The following NAV3 variants were observed in gnomAD, a reference collection of about 807,000 sequenced individuals.
The protein encoded by NAV3 is pore membrane and/or filament interacting like protein 1.
NAV3 carries 87 observed loss-of-function variants against 244.7 expected under a neutral mutation model. The observed-to-expected ratio is 0.36, with a 90% confidence interval of 0.30 to 0.42. The LOEUF (loss-of-function observed/expected upper bound fraction) is 0.42, where lower values mean the gene tolerates loss of function less well. Ranked by LOEUF, NAV3 falls within the 20% of genes least tolerant of loss-of-function variation. NAV3 has a pLI of 1.00. For missense variants in NAV3, 2,663 were observed against 2,893.3 expected, an observed-to-expected ratio of 0.92 and a Z score of 1.83; for synonymous variants, 1,126 against 1,042.2, an observed-to-expected ratio of 1.08 and a Z score of -1.55.
chr12:77,908,465 A>G (rs1224616570), intron 1 of NAV3, among the ~76,000 whole-genome samples: 2 of 152,066 alleles, frequency 1.3e-5, no homozygotes, highest in East Asian at 1.9e-4. Context: ...TGTGCTTTCT[A>G]GAAGGAGAAA....
At chr12:78,102,146 C>A (rs950694302) in intron 12 of NAV3, among the ~76,000 whole-genome samples, 1 of 152,054 alleles carries the variant, frequency 6.6e-6, no homozygotes, top group African/African-American at 2.4e-5. Context: ...AAGGAAAGTC[C>A]CTTCCACTAT....
intron 20 of NAV3, chr12:78,143,281 C>A (rs762906237): frequency 4.5e-6 from 2 of 441,896 alleles, no homozygotes; most frequent in African/African-American, 2.1e-5. Context: ...AAATCACAAG[C>A]CTAACCTGAT....
At chr12:77,803,983 C>G (rs1871843588) in intron 2 of NAV3, among the ~76,000 whole-genome samples, 1 of 148,966 alleles carries the variant, frequency 6.7e-6, no homozygotes, top group Admixed American at 6.7e-5. Context: ...TTGTTTTTTT[C>G]TTTCTTGTAA....
chr12:77,578,077 A>C (rs1475945336), intron 2 of NAV3, among the ~76,000 whole-genome samples: 1 of 152,216 alleles, frequency 6.6e-6, no homozygotes, highest in Non-Finnish European at 1.5e-5. Flanking sequence ...ATTTAAAGAT[A>C]TGTTACAAAA....
chr12:78,180,343 T>C (rs770029362), intron 29 of NAV3, among the ~76,000 whole-genome samples: 7 of 152,124 alleles, frequency 4.6e-5, no homozygotes, highest in East Asian at 1.9e-4. Flanking sequence ...CTAAAGACTT[T>C]TGTTGTTTTT....
At chr12:77,612,041 G>A (rs696069) in intron 2 of NAV3, among the ~76,000 whole-genome samples, 30,724 of 151,836 alleles carry the variant, frequency 0.2, 4,212 homozygotes, top group African/African-American at 0.39. Context: ...GTCTAGTTTC[G>A]TTGCTTAATG....
At chr12:78,087,568 AT>A (rs1953702908) in intron 12 of NAV3, among the ~76,000 whole-genome samples, 1 of 152,070 alleles carries the variant, frequency 6.6e-6, no homozygotes, top group Admixed American at 6.6e-5. Context: ...ACTTAAAAAA[AT>A]ATGACAGCAA....
At chr12:77,672,911 A>T (rs141051339) in intron 2 of NAV3, among the ~76,000 whole-genome samples, 18 of 152,330 alleles carry the variant, frequency 1.2e-4, no homozygotes, top group Non-Finnish European at 2.5e-4. Flanking sequence ...GAAGGATAGT[A>T]AGAGATGAGG....
At chr12:77,920,230 G>A (rs1235864644) in intron 1 of NAV3, among the ~76,000 whole-genome samples, 3 of 151,934 alleles carry the variant, frequency 2.0e-5, no homozygotes, top group East Asian at 1.9e-4. Context: ...ACATTAGTGT[G>A]TTCTAAACCC....
At position 78,030,549 on chromosome 12, in the gene NAV3, T is replaced by C. The variant is rs112557526; in HGVS notation, c.2023+8687T>C. On this transcript the variant is annotated intron_variant, in intron 9 of 39. Transcript: ENST00000397909. ...TCCCTTTTCTGTGTGGTGAATATGA[T>C]GATACTTAATAAACTCAGAAGATTG... Among the ~76,000 whole-genome samples, 1,379 of 152,342 alleles carry C rather than the reference T, an allele frequency of 9.1e-3. 12 individuals are homozygous for C. Among genetic ancestry groups the C allele is most frequent in the Non-Finnish European group, 0.015 (1,019 of 68,020 alleles).
At chr12:78,206,555 C>A (rs1056268166) in intron 39 of NAV3, among the ~76,000 whole-genome samples, 1 of 152,118 alleles carries the variant, frequency 6.6e-6, no homozygotes, top group Admixed American at 6.6e-5. Context: ...ATGCCCACAA[C>A]TTTCCCAATT....
chr12:77,596,711 A>G (rs747460459), intron 2 of NAV3, among the ~76,000 whole-genome samples: 20 of 152,172 alleles, frequency 1.3e-4, no homozygotes, highest in Non-Finnish European at 1.9e-4. Flanking sequence ...AATTAAATGA[A>G]AGAAGTTTCT....
chr12:78,183,920 C>T (rs886140915), intron 30 of NAV3, among the ~76,000 whole-genome samples: 4 of 151,914 alleles, frequency 2.6e-5, no homozygotes, highest in East Asian at 1.9e-4. Context: ...TTAACATACC[C>T]AGCTTACACA....
chr12:77,694,224 TG>T (rs1381231360), intron 2 of NAV3, among the ~76,000 whole-genome samples: 1 of 151,792 alleles, frequency 6.6e-6, no homozygotes, highest in East Asian at 1.9e-4. Context: ...CCCAGCACTT[TG>T]GGAGGCCGAG....
intron 12 of NAV3, among the ~76,000 whole-genome samples, chr12:78,073,274 A>G (rs1435350581): frequency 4.5e-5 from 6 of 134,600 alleles, no homozygotes; most frequent in African/African-American, 8.3e-5. Flanking sequence ...ACATGATTGT[A>G]TATCTAGAAA....
chr12:78,079,514 A>G (rs1953239291), intron 12 of NAV3, among the ~76,000 whole-genome samples: 2 of 152,174 alleles, frequency 1.3e-5, no homozygotes, highest in Admixed American at 6.5e-5. Flanking sequence ...TCCCAAACCT[A>G]CTTTAAAAGG....
At chr12:78,145,879 A>G (rs1244673115) in intron 20 of NAV3, among the ~76,000 whole-genome samples, 2 of 152,166 alleles carry the variant, frequency 1.3e-5, no homozygotes, top group Non-Finnish European at 2.9e-5. Context: ...TCTGTATGTT[A>G]CCCCAGCTTT....
chr12:78,162,869 AATATAT>A (rs1027719140), intron 23 of NAV3, among the ~76,000 whole-genome samples: 2 of 121,880 alleles, frequency 1.6e-5, no homozygotes, highest in Non-Finnish European at 1.6e-5. Context: ...CTCAAAAAAA[AATATAT>A]ATATATAATA....
intron 8 of NAV3, among the ~76,000 whole-genome samples, chr12:78,008,662 G>C (rs76815258): frequency 3.6e-5 from 1 of 28,054 alleles, no homozygotes; most frequent in African/African-American, 1.0e-4. Flanking sequence ...TTATTTTTTT[G>C]CTCAATGAGG....
Sources: gnomAD v4.1 joint callset for allele counts (sites outside exome capture counted in the v4.1 genomes callset) on GRCh38, gnomAD v4.1.1 for gene constraint, MANE v1.5 for transcripts, NCBI Gene and HGNC (gene_info 2026-07-23, HGNC 2026-07-21) for gene names.